Variants in PI4KA observed in about 807,000 individuals in gnomAD.
PI4KA encodes the protein phosphatidylinositol 4-kinase alpha.
Under a neutral mutation model 271.4 loss-of-function variants are expected in PI4KA, and 122 were observed. The ratio of observed to expected loss-of-function variants is 0.45; its 90% CI spans 0.39 to 0.52. The LOEUF is 0.52. Ranked by LOEUF, PI4KA falls within the 20% of genes least tolerant of loss-of-function variation. PI4KA has a pLI of 0.00. For missense variants in PI4KA, 1,969 were observed against 2,769.1 expected (o/e 0.71, Z 6.48); for synonymous variants, 1,041 against 1,078.8 (o/e 0.96, Z 0.69).
chr22:20,751,847 A>G, intron 25 of PI4KA, 92 bp from the exon 26 acceptor site: 1 of 1,111,598 alleles, frequency 9.0e-7, no homozygotes. Context: ...CCGAGCCCAT[A>G]TCTGCTTCAG....
chr22:20,735,560 G>A (rs571463104), intron 32 of PI4KA, among the ~76,000 whole-genome samples: 10 of 151,388 alleles, frequency 6.6e-5, no homozygotes, highest in African/African-American at 2.2e-4. Flanking sequence ...AACTGGGCAA[G>A]GCCCTGGGAA....
At chr22:20,815,444 T>C (rs915625396) in intron 7 of PI4KA, among the ~76,000 whole-genome samples, 3 of 144,584 alleles carry the variant, frequency 2.1e-5, no homozygotes, top group African/African-American at 7.7e-5. Flanking sequence ...GAAAAACAGA[T>C]GAATTTGTAA....
At chr22:20,794,455 G>A (rs1934858673) in intron 18 of PI4KA, among the ~76,000 whole-genome samples, 2 of 152,174 alleles carry the variant, frequency 1.3e-5, no homozygotes, top group African/African-American at 2.4e-5. Flanking sequence ...TGTGCACTGA[G>A]GTGGTCCCAG....
chr22:20,741,971 A>G (rs1285272762), intron 32 of PI4KA, among the ~76,000 whole-genome samples: 1 of 152,216 alleles, frequency 6.6e-6, no homozygotes, highest in East Asian at 1.9e-4. Flanking sequence ...TGGATTTCCA[A>G]TTTCAGTAGA....
intron 32 of PI4KA, among the ~76,000 whole-genome samples, chr22:20,740,628 C>T (rs905076462): frequency 6.6e-6 from 1 of 152,060 alleles, no homozygotes; most frequent in Non-Finnish European, 1.5e-5. Context: ...GGAGAAACAT[C>T]CAACAAGTAG....
At position 20,763,654 on chromosome 22, in the gene PI4KA, G is replaced by T. The variant is rs371775291; in HGVS notation, c.2708+1163C>A. On this transcript the variant is annotated intron_variant, in intron 22 of 54. Coordinates refer to ENST00000255882, the MANE Select transcript of PI4KA (RefSeq NM_058004.4). The stretch of plus-strand genomic sequence containing the variant: ...GGGGTTTCACCACGTTGGCCAGGCT[G>T]GTCTCGAACTACTGGCCTCAGGTGA... Among the ~76,000 whole-genome samples the T allele has an allele frequency of 1.1e-4, 16 of 152,220 alleles. No individual in the cohort carries two copies. The South Asian group carries it at 2.9e-3, about 28-fold the overall frequency.
chr22:20,765,759 G>A, intron 19 of PI4KA, 66 bp from the exon 20 acceptor site: 7 of 1,032,724 alleles, frequency 6.8e-6, no homozygotes, highest in East Asian at 4.8e-5. Context: ...CCCTGTAGGT[G>A]TAAAATCAAC....
intron 29 of PI4KA, among the ~76,000 whole-genome samples, chr22:20,746,908 A>ACC (rs1930177331): frequency 6.6e-6 from 1 of 152,070 alleles, no homozygotes; most frequent in Non-Finnish European, 1.5e-5. Flanking sequence ...GAGGCCTGTC[A>ACC]CCCTTCCTCC....
chr22:20,817,514 C>G (rs1412957519), intron 7 of PI4KA, among the ~76,000 whole-genome samples: 1 of 151,500 alleles, frequency 6.6e-6, no homozygotes, highest in East Asian at 1.9e-4. Flanking sequence ...GGCAGGCGTT[C>G]CCTTGAGCCT....
chr22:20,812,494 A>C (rs1371224857), intron 8 of PI4KA, among the ~76,000 whole-genome samples: 1 of 152,094 alleles, frequency 6.6e-6, no homozygotes, highest in Admixed American at 6.6e-5. Context: ...ACCCGTACCT[A>C]TTCAAATCTG....
chr22:20,777,033 G>GT (rs940118924), intron 19 of PI4KA, among the ~76,000 whole-genome samples: 9 of 108,732 alleles, frequency 8.3e-5, no homozygotes, highest in Non-Finnish European at 1.1e-4. Flanking sequence ...ACAAAAGGCA[G>GT]TTTTTTTTTG....
intron 45 of PI4KA, 31 bp from the exon 46 acceptor site, chr22:20,714,731 T>G (rs750202353): frequency 1.2e-6 from 2 of 1,605,294 alleles, no homozygotes; most frequent in East Asian, 2.2e-5. Flanking sequence ...TCACAGGGAG[T>G]GCATGTGTCA....
chr22:20,738,856 AT>A (rs1454078864), intron 32 of PI4KA, among the ~76,000 whole-genome samples: 3 of 152,114 alleles, frequency 2.0e-5, no homozygotes, highest in African/African-American at 7.2e-5. Flanking sequence ...GGAAGAACCC[AT>A]ACTTCCTGCC....
At chr22:20,746,060 A>G (rs61645940) in intron 29 of PI4KA, among the ~76,000 whole-genome samples, 755 of 51,984 alleles carry the variant, frequency 0.015, 12 homozygotes, top group African/African-American at 0.022. Context: ...AAAAAAAAAG[A>G]ATTTTTTTTT....
At chr22:20,781,154 C>T (rs1047043775) in intron 19 of PI4KA, among the ~76,000 whole-genome samples, 9 of 152,022 alleles carry the variant, frequency 5.9e-5, no homozygotes, top group South Asian at 2.1e-4. Context: ...AGGAGGTCAC[C>T]CCACACCCAT....
In PI4KA at chr22:20,838,748, C is replaced by T. The variant is rs1925191576; in HGVS notation, c.157-17G>A. Reference sequence around the variant, plus strand: ...CTTTTGGACCTAGAAAATGAGACCCCCCCAAAAACAGCTCTACAAAATAGA... The same window carrying T: ...CTTTTGGACCTAGAAAATGAGACCCTCCCAAAAACAGCTCTACAAAATAGA... On this transcript the variant is annotated splice_polypyrimidine_tract_variant and intron_variant, in intron 1 of 54. Transcript: ENST00000255882. The T allele has an allele frequency of 2.8e-6, 4 of 1,432,582 alleles. No homozygotes were observed. The Admixed American group carries it at 6.9e-5, about 25-fold the overall frequency. 88.7% of individuals were successfully genotyped at this position (1,432,582 alleles called of 1,614,324 possible). A position where few individuals can be genotyped will look rare whatever the true frequency, so the allele number is the denominator to read the frequency against.
chr22:20,781,165 C>T (rs887009471), intron 19 of PI4KA, among the ~76,000 whole-genome samples: 13 of 152,142 alleles, frequency 8.5e-5, no homozygotes, highest in Non-Finnish European at 1.6e-4. Flanking sequence ...CCACACCCAT[C>T]ACACACACAT....
At chr22:20,790,555 G>A (rs905865212) in intron 19 of PI4KA, among the ~76,000 whole-genome samples, 7 of 151,970 alleles carry the variant, frequency 4.6e-5, no homozygotes, top group African/African-American at 1.5e-4. Flanking sequence ...CAGCTGCTTG[G>A]AAGGCTGAGG....
At chr22:20,822,021 G>A (rs150868161) in intron 4 of PI4KA, among the ~76,000 whole-genome samples, 97 of 152,262 alleles carry the variant, frequency 6.4e-4, no homozygotes, top group African/African-American at 1.8e-3. Context: ...GTGGTGGTGC[G>A]TGCCTGTGGT....
Sources: allele counts gnomAD v4.1 joint callset (sites outside exome capture counted in the v4.1 genomes callset), GRCh38; gene constraint gnomAD v4.1.1; transcripts MANE v1.5; gene names NCBI Gene and HGNC (gene_info 2026-07-23, HGNC 2026-07-21).